The following DZIP1L variants were observed in gnomAD, a reference collection of about 807,000 sequenced individuals.
DZIP1L encodes cilium assembly protein DZIP1L.
Under a neutral mutation model 88.7 loss-of-function variants are expected in DZIP1L, and 90 were observed. That is an observed-to-expected ratio of 1.02 (90% confidence interval 0.86 to 1.21). DZIP1L has a LOEUF of 1.21. DZIP1L is among the 50% of genes most tolerant of loss of function. The pLI is 0.00. For synonymous variants in DZIP1L, 363 were observed against 372.1 expected (o/e 0.98, Z 0.28); for missense variants, 932 against 955.8 (o/e 0.98, Z 0.33).
intron 11 of DZIP1L, among the ~76,000 whole-genome samples, chr3:138,075,952 G>T (rs995697167): frequency 6.6e-6 from 1 of 151,934 alleles, no homozygotes; most frequent in Non-Finnish European, 1.5e-5. Flanking sequence ...AGCGAGATTC[G>T]TCTCAAAAAA....
At chr3:138,109,995 G>A (rs1220990406) in intron 1 of DZIP1L, among the ~76,000 whole-genome samples, 1 of 151,992 alleles carries the variant, frequency 6.6e-6, no homozygotes, top group African/African-American at 2.4e-5. Context: ...TAGATGACGG[G>A]TTCATAGGTG....
intron 2 of DZIP1L, among the ~76,000 whole-genome samples, chr3:138,100,843 C>A (rs1367258526): frequency 2.0e-5 from 3 of 152,208 alleles, no homozygotes; most frequent in Non-Finnish European, 2.9e-5. Context: ...TATTAAAGGG[C>A]AAATGTCCCT....
At chr3:138,105,685 T>C (rs2042461990) in intron 1 of DZIP1L, among the ~76,000 whole-genome samples, 1 of 152,058 alleles carries the variant, frequency 6.6e-6, no homozygotes, top group Non-Finnish European at 1.5e-5. Context: ...CCGCAGTTTG[T>C]TGAATCTGTG....
chr3:138,095,180 A>C (rs1395498097), intron 3 of DZIP1L, among the ~76,000 whole-genome samples, 197 bp from the exon 4 acceptor site: 1 of 152,176 alleles, frequency 6.6e-6, no homozygotes, highest in Non-Finnish European at 1.5e-5. Flanking sequence ...ATAGCACCTA[A>C]CTCAGAGGGC....
intron 12 of DZIP1L, among the ~76,000 whole-genome samples, chr3:138,070,638 T>C (rs910606594): frequency 2.6e-5 from 4 of 152,346 alleles, no homozygotes; most frequent in African/African-American, 7.2e-5. Flanking sequence ...TATAAAATGA[T>C]TGGTTGATGT....
chr3:138,111,115 T>C (rs2042612339), intron 1 of DZIP1L, among the ~76,000 whole-genome samples: 1 of 152,198 alleles, frequency 6.6e-6, no homozygotes, highest in African/African-American at 2.4e-5. Flanking sequence ...CATGGCTTAT[T>C]CGTATCTGCT....
At chr3:138,082,416 G>A (rs561867866) in intron 8 of DZIP1L, among the ~76,000 whole-genome samples, 4 of 152,286 alleles carry the variant, frequency 2.6e-5, no homozygotes, top group Admixed American at 6.5e-5. Context: ...TTCTTGGTTC[G>A]TATATTTGTT....
Position 138,103,628 on chromosome 3 carries a change from A to G in DZIP1L, c.344T>C (p.Leu115Pro). ...CTGCTGCTGGCCCAGGCTGGTCTGCAGCCGTGCCTCCAGCTGGGCAACACT... is the reference window on the plus strand; with the variant it reads ...CTGCTGCTGGCCCAGGCTGGTCTGCGGCCGTGCCTCCAGCTGGGCAACACT... ...SASVAQLEAR[L>P]QTSLGQQQRG... The change falls in exon 2 of 16, where the codon CTG becomes CCG. Residue 115 changes from leucine to proline, a missense_variant. By Grantham distance (98) the Leu-to-Pro change is moderately conservative. Coordinates refer to ENST00000327532, the MANE Select transcript of DZIP1L (RefSeq NM_173543.3). 6.2e-7 allele frequency: 1 copy of G among 1,606,866 alleles called. No homozygotes were observed. Among genetic ancestry groups the G allele is most frequent in the Non-Finnish European group, 8.5e-7 (1 of 1,179,164 alleles).
At chr3:138,065,095 T>C (rs1942839052) in intron 14 of DZIP1L, among the ~76,000 whole-genome samples, 2 of 152,250 alleles carry the variant, frequency 1.3e-5, no homozygotes, top group Non-Finnish European at 2.9e-5. Context: ...ATCACTAACA[T>C]GCAGTTAGTT....
chr3:138,103,894 A>T lies in DZIP1L; in HGVS notation c.78T>A (p.Phe26Leu). 6.2e-7 allele frequency: 1 copy of T among 1,613,926 alleles called. No homozygotes were observed. Among genetic ancestry groups the T allele is most frequent in the Non-Finnish European group, 8.5e-7 (1 of 1,180,046 alleles). Residue 26 changes from phenylalanine to leucine, a missense_variant, in exon 2 of 16, where the codon TTT (phenylalanine) becomes TTA (leucine). Coordinates refer to ENST00000327532, the MANE Select transcript of DZIP1L (RefSeq NM_173543.3). ...FGAYTFPTFK[F>L]QPRHDSMDWR... ...AGTCCATGCTATCATGGCGAGGCTG[A>T]AACTTGAAGGTGGGGAACGTGTAGG...
chr3:138,062,822 G>A lies in DZIP1L; in HGVS notation c.2298C>T (p.Ala766=), dbSNP rs1324860143. The part of the protein sequence containing the change: ...PQSSGQPRVP[A]W The stretch of plus-strand genomic sequence containing the variant: ...AGCTAGCTTCTGGGGTGAATCACCA[G>A]GCAGGGACCCTGGGTTGGCCAGAGC... Residue 766 remains alanine (A), a synonymous_variant, in exon 16 of 16, where the codon GCC becomes GCT. Transcript: ENST00000327532. 1 of 1,613,950 alleles carries A rather than the reference G, an allele frequency of 6.2e-7. No homozygotes were observed. The highest frequency in any genetic ancestry group is 8.5e-7 in the Non-Finnish European group (1 of 1,180,038).
rs552833973 is a variant in DZIP1L, at chr3:138,081,741, C to A, written c.1227G>T (p.Lys409Asn). The A allele has an allele frequency of 3.1e-6, 5 of 1,613,302 alleles. No homozygotes were observed. In the Admixed American group the frequency reaches 8.3e-5, roughly 27 times the overall value. ...EEMIQSLSLR[K>N]VEGIHKVPKA... is the part of the protein sequence containing the mutation. Reference sequence around the variant, plus strand: ...CCCTGTGTAGACACTTACCTTCCACCTTCCTGAGAGACAAGGACTGGATCT... The same window carrying A: ...CCCTGTGTAGACACTTACCTTCCACATTCCTGAGAGACAAGGACTGGATCT... The change falls in exon 9 of 16, where the codon AAG becomes AAT. Residue 409 changes from lysine (K) to asparagine (N), a missense_variant. Transcript: ENST00000327532.
intron 2 of DZIP1L, chr3:138,102,322 C>A (rs1412023402): frequency 1.5e-6 from 2 of 1,333,014 alleles, no homozygotes; most frequent in Non-Finnish European, 2.1e-6. Flanking sequence ...TCATCCACAT[C>A]TTTCTCGATG....
chr3:138,067,690 A>AC lies in DZIP1L; in HGVS notation c.1842dup (p.Phe615ValfsTer4), dbSNP rs766357376. The AC allele has an allele frequency of 6.4e-7, 1 of 1,562,242 alleles. No individual in the cohort carries two copies. The highest frequency in any genetic ancestry group is 1.2e-5 in the South Asian group (1 of 83,626). On this transcript the variant is annotated frameshift_variant, in exon 14 of 16. Transcript: ENST00000327532. LOFTEE classifies it high-confidence loss of function. ...CCCTCTGAGTCCTCTTCAGAACTGA[A>AC]CGGGGGCGTGCTGCCACGAGGAGGA...
intron 3 of DZIP1L, 35 bp downstream of exon 3, chr3:138,097,728 T>C (rs1944545778): frequency 6.3e-7 from 1 of 1,576,896 alleles, no homozygotes; most frequent in Non-Finnish European, 8.6e-7. Flanking sequence ...CTTTCCACAG[T>C]CCCAGAAGGG....
chr3:138,081,884 T>A lies in DZIP1L; in HGVS notation c.1204-120A>T, dbSNP rs80058788. 559 of 1,038,020 alleles carry A rather than the reference T, an allele frequency of 5.4e-4. 2 individuals carry two copies. The African/African-American group carries it at 8.2e-3, about 15-fold the overall frequency. The allele number at this position is 1,038,020 out of a possible 1,614,324, so 64.3% of individuals were successfully genotyped here. A position where few individuals can be genotyped will look rare whatever the true frequency, so the allele number is the denominator to read the frequency against. On this transcript the variant is annotated intron_variant, in intron 8 of 15. Coordinates refer to ENST00000327532, the MANE Select transcript of DZIP1L (RefSeq NM_173543.3). Reference sequence around the variant, plus strand: ...ATGGCTACAGATTCCATGACTCACGTTGGGAACTGGAAGGAGCTCAGATGC... The same window carrying A: ...ATGGCTACAGATTCCATGACTCACGATGGGAACTGGAAGGAGCTCAGATGC...
chr3:138,072,085 C>T (rs1284061892), intron 11 of DZIP1L, among the ~76,000 whole-genome samples: 2 of 152,182 alleles, frequency 1.3e-5, no homozygotes, highest in Non-Finnish European at 1.5e-5. Flanking sequence ...CAAAGGACTG[C>T]GTCACAATTC....
intron 2 of DZIP1L, among the ~76,000 whole-genome samples, chr3:138,099,333 A>G (rs1186552107): frequency 1.3e-5 from 2 of 152,078 alleles, no homozygotes; most frequent in African/African-American, 4.8e-5. Context: ...CTCATCAGCT[A>G]TCATTAATGT....
At chr3:138,094,774 A>AT in intron 4 of DZIP1L, 88 bp downstream of exon 4, 1 of 1,563,234 alleles carries the variant, frequency 6.4e-7, no homozygotes, top group Non-Finnish European at 8.7e-7. Flanking sequence ...ACTAGCTGGA[A>AT]TTTTTGCCCT....
Sources: allele counts gnomAD v4.1 joint callset (sites outside exome capture counted in the v4.1 genomes callset), GRCh38; gene constraint gnomAD v4.1.1; transcripts MANE v1.5; gene names NCBI Gene and HGNC (gene_info 2026-07-23, HGNC 2026-07-21).